DOCK1: variants seen among roughly 807,000 people sequenced by gnomAD.
DOCK1 encodes dedicator of cytokinesis protein 1.
In DOCK1, 138 loss-of-function variants were observed where a neutral mutation model predicts 262.7. That is an observed-to-expected ratio of 0.53 (90% CI 0.46 to 0.61). The LOEUF is 0.61. Ranked by LOEUF, DOCK1 falls within the 20% of genes least tolerant of loss-of-function variation. The pLI is 0.00. For missense variants in DOCK1, 1,908 were observed against 2,370.7 expected (o/e 0.80, Z 4.05); for synonymous variants, 866 against 867.4 (o/e 1.00, Z 0.03).
chr10:127,354,840 C>A, intron 32 of DOCK1, 113 bp downstream of exon 32: 1 of 1,271,024 alleles, frequency 7.9e-7, no homozygotes, highest in Non-Finnish European at 1.1e-6. Flanking sequence ...GCTTCTGTTC[C>A]TTGGACAGCA....
At chr10:126,986,320 C>T (rs560319483) in intron 4 of DOCK1, among the ~76,000 whole-genome samples, 7 of 141,992 alleles carry the variant, frequency 4.9e-5, no homozygotes, top group East Asian at 2.0e-4. Flanking sequence ...GATCTCCAAT[C>T]GTGAGCCAGT....
intron 4 of DOCK1, among the ~76,000 whole-genome samples, chr10:126,986,708 A>G (rs1215792887): frequency 2.6e-5 from 4 of 152,174 alleles, no homozygotes; most frequent in Non-Finnish European, 5.9e-5. Flanking sequence ...TCAGGCGTTC[A>G]AGACCAGCCT....
chr10:127,051,013 G>A (rs1471489047), intron 21 of DOCK1, among the ~76,000 whole-genome samples: 1 of 151,934 alleles, frequency 6.6e-6, no homozygotes, highest in Non-Finnish European at 1.5e-5. Flanking sequence ...AAATATTTAT[G>A]AAGCCATGAA....
chr10:127,183,619 C>G (rs1423938234), intron 27 of DOCK1, among the ~76,000 whole-genome samples: 1 of 152,176 alleles, frequency 6.6e-6, no homozygotes, highest in Admixed American at 6.5e-5. Context: ...GTAATCTTCT[C>G]GGCCCTCATA....
intron 1 of DOCK1, among the ~76,000 whole-genome samples, chr10:126,909,410 A>G (rs892267008): frequency 2.0e-5 from 3 of 152,174 alleles, no homozygotes; most frequent in African/African-American, 7.2e-5. Context: ...CTGAGATAAT[A>G]CATTTGTGTG....
intron 33 of DOCK1, among the ~76,000 whole-genome samples, chr10:127,362,909 C>CCACACACACACA (rs1218062230): frequency 1.2e-4 from 11 of 90,566 alleles, no homozygotes; most frequent in Non-Finnish European, 1.6e-4. Flanking sequence ...ATGTACATCT[C>CCACACACACACA]CACACACACA....
chr10:127,000,844 G>A (rs1200178041), intron 10 of DOCK1: 2 of 149,570 alleles, frequency 1.3e-5, no homozygotes, highest in Non-Finnish European at 2.8e-5. Flanking sequence ...CTCTTTCTCC[G>A]CCATGTTGGT....
At position 127,032,246 on chromosome 10, in the gene DOCK1, T is replaced by C. The variant is rs1436539401; in HGVS notation, c.1838T>C (p.Leu613Pro). Residue 613 changes from leucine (L) to proline (P), a missense_variant, in exon 18 of 52, where the codon CTT becomes CCT. Physicochemically the swap from Leu to Pro is moderately conservative, Grantham distance 98. This residue lies in a region of DOCK1 where 294 missense variants were observed against 439.9 expected (regional missense o/e 0.67). Transcript: ENST00000623213. ...GCCACCGGCAAGAGCATGCAGAGCC[T>C]TGGGAGCTGCACCATTAGCAAGGAC... ...HSATGKSMQS[L>P]GSCTISKDSF... 1 of 1,600,448 alleles carries C rather than the reference T, an allele frequency of 6.2e-7. No homozygotes were observed. Among genetic ancestry groups the C allele is most frequent in the Non-Finnish European group, 8.5e-7 (1 of 1,173,766 alleles).
intron 22 of DOCK1, among the ~76,000 whole-genome samples, chr10:127,060,066 C>T (rs960894140): frequency 4.6e-5 from 7 of 152,132 alleles, no homozygotes; most frequent in Admixed American, 2.6e-4. Flanking sequence ...GGATTTTCAT[C>T]TGAGAGTCGG....
chr10:127,255,861 G>T (rs1410344169), intron 28 of DOCK1, among the ~76,000 whole-genome samples: 6 of 152,214 alleles, frequency 3.9e-5, no homozygotes, highest in Non-Finnish European at 8.8e-5. Context: ...TACAAAATAT[G>T]CAGCCTGGTC....
intron 27 of DOCK1, chr10:127,146,154 C>T (rs776671277): frequency 5.1e-5 from 22 of 427,270 alleles, no homozygotes; most frequent in Non-Finnish European, 1.0e-4. Flanking sequence ...GCGTAGTCCC[C>T]TCATGCTGTT....
chr10:126,914,339 C>T (rs1280280282), intron 1 of DOCK1, among the ~76,000 whole-genome samples: 1 of 152,134 alleles, frequency 6.6e-6, no homozygotes, highest in Non-Finnish European at 1.5e-5. Flanking sequence ...GCTGCATCTC[C>T]TGAGGAGTGT....
intron 38 of DOCK1, 141 bp from the exon 39 acceptor site, chr10:127,402,914 G>A (rs1274057887): frequency 5.9e-6 from 5 of 842,464 alleles, no homozygotes; most frequent in Non-Finnish European, 9.3e-6. Context: ...GAAAATATTT[G>A]TATTTTTTCG....
chr10:127,175,928 C>G lies in DOCK1; in HGVS notation c.2847+48164C>G. 1 of 1,614,244 alleles carries G rather than the reference C, an allele frequency of 6.2e-7. No homozygotes were observed. Among genetic ancestry groups the G allele is most frequent in the Non-Finnish European group, 8.5e-7 (1 of 1,180,046 alleles). On this transcript the variant is annotated intron_variant, in intron 27 of 51. Coordinates refer to ENST00000623213, the MANE Select transcript of DOCK1 (RefSeq NM_001290223.2). The surrounding 1 kb of genome is among the most constrained non-coding windows in gnomAD (Gnocchi z 6.3). ...CCGCGCCACATGGCCGGGCCTCCTCCATGGGTCCAGCCTCGTTCTTCTCTT... is the reference window on the plus strand; with the variant it reads ...CCGCGCCACATGGCCGGGCCTCCTCGATGGGTCCAGCCTCGTTCTTCTCTT...
intron 1 of DOCK1, among the ~76,000 whole-genome samples, chr10:126,927,627 G>A (rs1218920497): frequency 6.6e-6 from 1 of 152,102 alleles, no homozygotes; most frequent in Non-Finnish European, 1.5e-5. Context: ...AGTAGAGACG[G>A]GGTTTCATCT....
intron 19 of DOCK1, among the ~76,000 whole-genome samples, chr10:127,040,225 G>C (rs1028968304): frequency 5.3e-5 from 8 of 152,344 alleles, no homozygotes; most frequent in Admixed American, 2.0e-4. Flanking sequence ...TGAAAATGAT[G>C]GGAAATGGTG....
In DOCK1 at chr10:127,176,359, T is replaced by A. The variant is rs746933569; in HGVS notation, c.2847+48595T>A. The A allele has an allele frequency of 1.9e-6, 3 of 1,612,676 alleles. No homozygotes were observed. The highest frequency in any genetic ancestry group is 2.5e-6 in the Non-Finnish European group (3 of 1,179,660). On this transcript the variant is annotated intron_variant, in intron 27 of 51. Transcript: ENST00000623213. The surrounding 1 kb of genome is among the most constrained non-coding windows in gnomAD (Gnocchi z 4.4). ...GCGGGTTCCACTTCACTCTCCGACG[T>A]TGTGAGTATGCATTTGCCGGTGTCC...
At chr10:127,191,913 C>T (rs890886202) in intron 27 of DOCK1, among the ~76,000 whole-genome samples, 9 of 152,212 alleles carry the variant, frequency 5.9e-5, no homozygotes, top group African/African-American at 1.4e-4. Flanking sequence ...GTAGTATTTT[C>T]AGCATTCCGT....
intron 38 of DOCK1, among the ~76,000 whole-genome samples, chr10:127,397,302 GGCAACTCCTAT>G (rs2066936157): frequency 9.8e-6 from 1 of 101,826 alleles, no homozygotes; most frequent in East Asian, 3.0e-4. Context: ...TTACACGGGC[GGCAACTCCTAT>G]GTGATCTGAG....
Sources: allele counts gnomAD v4.1 joint callset (sites outside exome capture counted in the v4.1 genomes callset), GRCh38; gene constraint gnomAD v4.1.1; regional missense constraint gnomAD v4.1.1; non-coding constraint Gnocchi (gnomAD v3.1); transcripts MANE v1.5; gene names NCBI Gene and HGNC (gene_info 2026-07-23, HGNC 2026-07-21).